CSMD1: variants seen among roughly 807,000 people sequenced by gnomAD.
CSMD1 encodes CUB and sushi domain-containing protein 1.
CSMD1 carries 213 observed loss-of-function variants against 417.5 expected under a neutral mutation model. The ratio of observed to expected loss-of-function variants is 0.51; its 90% CI spans 0.46 to 0.57. The LOEUF (loss-of-function observed/expected upper bound fraction) is 0.57, where lower values mean the gene tolerates loss of function less well. Among genes scored for constraint, CSMD1 ranks in the 20% least tolerant of loss-of-function variants. CSMD1 has a pLI of 0.00. For missense variants in CSMD1, 6,923 were observed against 4,529.7 expected (o/e 1.53, Z -15.17); for synonymous variants, 2,862 against 1,736.8 (o/e 1.65, Z -16.11).
At chr8:4,238,044 T>C (rs1265124426) in intron 3 of CSMD1, among the ~76,000 whole-genome samples, 1 of 152,138 alleles carries the variant, frequency 6.6e-6, no homozygotes, top group Non-Finnish European at 1.5e-5. Context: ...GCACGTTGCT[T>C]AGTTTTTCTA....
Position 4,441,108 on chromosome 8 carries a change from T to TTTTTTTTTTTTTTTTTTTG in CSMD1, c.303-21044_303-21043insCAAAAAAAAAAAAAAAAAA, listed in dbSNP as rs1798450114. ...GTTAATCAAAAGGTTTTTTTTTTTT[T>TTTTTTTTTTTTTTTTTTTG]TTTTTTTTTTAAGAGATAGGGTCTC... On this transcript the variant is annotated intron_variant, in intron 2 of 69. Coordinates refer to ENST00000635120, the MANE Select transcript of CSMD1 (RefSeq NM_033225.6). Among the ~76,000 whole-genome samples the TTTTTTTTTTTTTTTTTTTG allele has an allele frequency of 1.6e-5, 2 of 126,382 alleles. 1 individual carries two copies. Among genetic ancestry groups the TTTTTTTTTTTTTTTTTTTG allele is most frequent in the East Asian group, 5.0e-4 (2 of 4,004 alleles). 82.9% of individuals were successfully genotyped at this position (126,382 alleles called of 152,430 possible). A position where few individuals can be genotyped will look rare whatever the true frequency, so the allele number is the denominator to read the frequency against.
chr8:2,996,372 A>G (rs1806896762), intron 54 of CSMD1, among the ~76,000 whole-genome samples: 1 of 152,226 alleles, frequency 6.6e-6, no homozygotes, highest in South Asian at 2.1e-4. Context: ...TATCAGGATA[A>G]TCACCCACAA....
At chr8:3,700,771 C>T (rs192108509) in intron 7 of CSMD1, 1 of 152,272 alleles carries the variant, frequency 6.6e-6, no homozygotes, top group Admixed American at 6.6e-5. Flanking sequence ...AGCCCAGAAA[C>T]CAAGAGGACC....
intron 1 of CSMD1, among the ~76,000 whole-genome samples, chr8:4,729,650 G>A (rs1157070161): frequency 6.6e-6 from 1 of 152,190 alleles, no homozygotes; most frequent in Non-Finnish European, 1.5e-5. Flanking sequence ...AACTTTGCAT[G>A]AGTATCTATT....
chr8:3,784,363 A>G (rs1043182755), intron 5 of CSMD1, among the ~76,000 whole-genome samples: 1 of 152,190 alleles, frequency 6.6e-6, no homozygotes, highest in Non-Finnish European at 1.5e-5. Flanking sequence ...AAAATGGAGA[A>G]AACAATGAGA....
At chr8:3,603,886 C>A (rs1248237531) in intron 8 of CSMD1, among the ~76,000 whole-genome samples, 1 of 152,082 alleles carries the variant, frequency 6.6e-6, no homozygotes, top group Non-Finnish European at 1.5e-5. Context: ...AGCAAATGGC[C>A]AAGGCTTAAT....
intron 36 of CSMD1, among the ~76,000 whole-genome samples, chr8:3,185,224 G>C (rs1203324180): frequency 6.6e-6 from 1 of 152,340 alleles, no homozygotes; most frequent in East Asian, 1.9e-4. Context: ...CAGGAAATTA[G>C]CGTCAGAATT....
intron 3 of CSMD1, among the ~76,000 whole-genome samples, chr8:4,393,204 C>A (rs1409524617): frequency 2.6e-5 from 4 of 151,828 alleles, no homozygotes; most frequent in African/African-American, 9.7e-5. Context: ...TCAAACTCCT[C>A]AGCTAAATTG....
Position 4,595,435 on chromosome 8 carries a change from A to G in CSMD1, c.302+41907T>C, listed in dbSNP as rs1387120300. Among the ~76,000 whole-genome samples, 4 of 131,424 alleles carry G rather than the reference A, an allele frequency of 3.0e-5. No homozygotes were observed. In the East Asian group the frequency reaches 9.9e-4, roughly 33 times the overall value. 86.2% of individuals were successfully genotyped at this position (131,424 alleles called of 152,430 possible). A position where few individuals can be genotyped will look rare whatever the true frequency, so the allele number is the denominator to read the frequency against. On this transcript the variant is annotated intron_variant, in intron 2 of 69. Transcript: ENST00000635120. The stretch of plus-strand genomic sequence containing the variant: ...TATACATTGTCAATATGCTAACAAC[A>G]ATGGAAAGGCCTGGTAAGACTGTTC...
chr8:4,417,168 T>C (rs1444360387), intron 3 of CSMD1, among the ~76,000 whole-genome samples: 1 of 152,060 alleles, frequency 6.6e-6, no homozygotes, highest in Non-Finnish European at 1.5e-5. Flanking sequence ...GAAAGTCAAA[T>C]ACTGTAAATA....
chr8:3,761,089 G>C (rs1797971109), intron 5 of CSMD1, among the ~76,000 whole-genome samples: 1 of 151,902 alleles, frequency 6.6e-6, no homozygotes, highest in South Asian at 2.1e-4. Flanking sequence ...GTTATGTTTT[G>C]AATTGGCTGT....
intron 2 of CSMD1, among the ~76,000 whole-genome samples, chr8:4,542,117 C>A (rs1288308676): frequency 6.6e-6 from 1 of 152,012 alleles, no homozygotes; most frequent in Non-Finnish European, 1.5e-5. Flanking sequence ...GGACAATGAA[C>A]TCAACAGTTT....
intron 1 of CSMD1, among the ~76,000 whole-genome samples, chr8:4,652,880 C>G (rs1563072563): frequency 6.6e-6 from 1 of 152,006 alleles, no homozygotes; most frequent in Non-Finnish European, 1.5e-5. Flanking sequence ...GTTCATGCTC[C>G]TGTAAGAATC....
intron 7 of CSMD1, among the ~76,000 whole-genome samples, chr8:3,688,840 T>C (rs1020207830): frequency 1.3e-5 from 2 of 152,086 alleles, no homozygotes; most frequent in Non-Finnish European, 1.5e-5. Context: ...AATTAACTGA[T>C]AGCAATCAAT....
chr8:3,588,098 T>C (rs1800683805), intron 8 of CSMD1, among the ~76,000 whole-genome samples: 1 of 152,178 alleles, frequency 6.6e-6, no homozygotes, highest in African/African-American at 2.4e-5. Context: ...AAAATTGTTA[T>C]ATCTTTGTGT....
chr8:4,461,753 T>TC (rs1799839661), intron 2 of CSMD1, among the ~76,000 whole-genome samples: 1 of 141,524 alleles, frequency 7.1e-6, no homozygotes, highest in Non-Finnish European at 1.5e-5. Flanking sequence ...TTTTTTTTTT[T>TC]TTTTGGAGAT....
chr8:3,748,401 A>G (rs1797160846), intron 6 of CSMD1, among the ~76,000 whole-genome samples: 1 of 152,212 alleles, frequency 6.6e-6, no homozygotes, highest in African/African-American at 2.4e-5. Flanking sequence ...GTCCACTGCC[A>G]TGGAAACAGG....
chr8:4,839,611 T>C (rs1252452089), intron 1 of CSMD1, among the ~76,000 whole-genome samples: 4 of 152,176 alleles, frequency 2.6e-5, no homozygotes, highest in Non-Finnish European at 5.9e-5. Context: ...TTCTGTTTAA[T>C]ACTTCACTTA....
At chr8:3,832,283 G>T (rs776477715) in intron 5 of CSMD1, among the ~76,000 whole-genome samples, 1 of 152,018 alleles carries the variant, frequency 6.6e-6, no homozygotes, top group Non-Finnish European at 1.5e-5. Flanking sequence ...TGAGTACACG[G>T]GATTATTTTA....
Sources: allele counts gnomAD v4.1 joint callset (sites outside exome capture counted in the v4.1 genomes callset), GRCh38; gene constraint gnomAD v4.1.1; transcripts MANE v1.5; gene names NCBI Gene and HGNC (gene_info 2026-07-23, HGNC 2026-07-21).